Variants in TMCC1 observed in about 807,000 individuals in gnomAD.
TMCC1 encodes the protein transmembrane and coiled-coil domains protein 1.
In TMCC1, 15 loss-of-function variants were observed where a neutral mutation model predicts 52.4. The observed-to-expected ratio is 0.29, with a 90% confidence interval of 0.19 to 0.44. TMCC1 has a LOEUF of 0.44. Ranked by LOEUF, TMCC1 falls within the 20% of genes least tolerant of loss-of-function variation. The probability of loss-of-function intolerance (pLI) is 1.00; values close to 1 mark genes in which losing one functional copy is unlikely to be tolerated. For synonymous variants in TMCC1, 279 were observed against 301.9 expected (o/e 0.92, Z 0.79); for missense variants, 503 against 806.0 (o/e 0.62, Z 4.55).
intron 4 of TMCC1, among the ~76,000 whole-genome samples, chr3:129,810,408 C>G (rs2057742169): frequency 6.6e-6 from 1 of 152,082 alleles, no homozygotes; most frequent in Non-Finnish European, 1.5e-5. Context: ...TACTAGTACG[C>G]AGAACCAAAA....
At chr3:129,672,431 C>G (rs1041200656) in intron 4 of TMCC1, among the ~76,000 whole-genome samples, 5 of 152,062 alleles carry the variant, frequency 3.3e-5, no homozygotes, top group Non-Finnish European at 1.5e-5. Flanking sequence ...GACCCCCTCT[C>G]TACACATTTT....
At chr3:129,813,932 A>G (rs1246198545) in intron 4 of TMCC1, among the ~76,000 whole-genome samples, 1 of 152,120 alleles carries the variant, frequency 6.6e-6, no homozygotes, top group Non-Finnish European at 1.5e-5. Context: ...CTGTGATAAT[A>G]AACACTTTAA....
At chr3:129,848,165 A>G (rs1261392759) in intron 2 of TMCC1, among the ~76,000 whole-genome samples, 1 of 152,196 alleles carries the variant, frequency 6.6e-6, no homozygotes. Flanking sequence ...AACTTGGATG[A>G]AATCCAATTT....
chr3:129,785,792 T>A (rs2055973108), intron 4 of TMCC1, among the ~76,000 whole-genome samples: 1 of 152,136 alleles, frequency 6.6e-6, no homozygotes, highest in East Asian at 1.9e-4. Context: ...TTTCCTAGAT[T>A]TACCCCTCTA....
At chr3:129,771,797 A>AAAAAG (rs60824072) in intron 4 of TMCC1, among the ~76,000 whole-genome samples, 2,048 of 86,196 alleles carry the variant, frequency 0.024, 148 homozygotes, top group Non-Finnish European at 0.037. Context: ...AAAAAAAAAA[A>AAAAAG]AAGAAGAAGA....
intron 4 of TMCC1, among the ~76,000 whole-genome samples, chr3:129,794,833 G>A (rs956948330): frequency 1.3e-5 from 2 of 152,074 alleles, no homozygotes; most frequent in Admixed American, 6.5e-5. Flanking sequence ...CTCTTCAGCC[G>A]TCCCAGCAGC....
chr3:129,855,761 G>A (rs967287954), intron 2 of TMCC1, among the ~76,000 whole-genome samples: 4 of 152,160 alleles, frequency 2.6e-5, no homozygotes, highest in Non-Finnish European at 5.9e-5. Flanking sequence ...TCGATGGTAA[G>A]CAAACAGTTC....
chr3:129,776,806 A>G (rs1238328093), intron 4 of TMCC1, among the ~76,000 whole-genome samples: 1 of 151,916 alleles, frequency 6.6e-6, no homozygotes, highest in Admixed American at 6.6e-5. Flanking sequence ...ATTTTTATTT[A>G]TATTTTTTTG....
At chr3:129,790,936 C>G (rs1340977435) in intron 4 of TMCC1, among the ~76,000 whole-genome samples, 1 of 152,080 alleles carries the variant, frequency 6.6e-6, no homozygotes, top group Non-Finnish European at 1.5e-5. Flanking sequence ...CTGCTAAGTT[C>G]AAACTCTATT....
At chr3:129,674,986 C>A (rs923191564) in intron 4 of TMCC1, among the ~76,000 whole-genome samples, 2 of 152,116 alleles carry the variant, frequency 1.3e-5, no homozygotes, top group Non-Finnish European at 2.9e-5. Context: ...TACAGGCGCA[C>A]GCCACCACAC....
chr3:129,655,996 T>C (rs973706345), intron 5 of TMCC1, among the ~76,000 whole-genome samples: 9 of 152,152 alleles, frequency 5.9e-5, no homozygotes, highest in Non-Finnish European at 1.2e-4. Context: ...AGTGCATCTA[T>C]GTTGGAGGAA....
At chr3:129,846,509 T>C (rs2059671452) in intron 2 of TMCC1, among the ~76,000 whole-genome samples, 1 of 152,184 alleles carries the variant, frequency 6.6e-6, no homozygotes, top group Non-Finnish European at 1.5e-5. Context: ...CTTAAAGTTA[T>C]TTCTTTCTTG....
intron 2 of TMCC1, among the ~76,000 whole-genome samples, chr3:129,850,657 G>GACAC (rs912422987): frequency 2.0e-5 from 3 of 152,032 alleles, no homozygotes; most frequent in African/African-American, 7.2e-5. Flanking sequence ...AGGAATTAAA[G>GACAC]ACACACACAC....
intron 4 of TMCC1, among the ~76,000 whole-genome samples, chr3:129,744,048 A>C (rs2051700862): frequency 6.6e-6 from 1 of 152,104 alleles, no homozygotes; most frequent in African/African-American, 2.4e-5. Context: ...ACTTTCTTTG[A>C]AATTATGTAA....
At chr3:129,661,827 T>G (rs1323299487) in intron 5 of TMCC1, among the ~76,000 whole-genome samples, 1 of 152,118 alleles carries the variant, frequency 6.6e-6, no homozygotes, top group African/African-American at 2.4e-5. Context: ...AAATTCTGTA[T>G]TGTTAATGAA....
chr3:129,813,980 TCC>T (rs1232899180), intron 4 of TMCC1, among the ~76,000 whole-genome samples: 1 of 130,048 alleles, frequency 7.7e-6, no homozygotes, highest in Non-Finnish European at 1.5e-5. Context: ...AAGTTCTTTT[TCC>T]TTATTTTTTT....
chr3:129,860,607 T>A (rs187252605), intron 2 of TMCC1, among the ~76,000 whole-genome samples: 110 of 151,896 alleles, frequency 7.2e-4, no homozygotes, highest in African/African-American at 1.7e-3. Flanking sequence ...CATTATTATT[T>A]TTTTTTTTTT....
intron 2 of TMCC1, among the ~76,000 whole-genome samples, chr3:129,861,211 C>T (rs564156680): frequency 3.9e-5 from 6 of 152,012 alleles, no homozygotes; most frequent in Non-Finnish European, 8.8e-5. Flanking sequence ...GAGGCCGAGG[C>T]GGGCGGATCA....
At chr3:129,723,882 G>A (rs1489207140) in intron 4 of TMCC1, among the ~76,000 whole-genome samples, 1 of 151,064 alleles carries the variant, frequency 6.6e-6, no homozygotes, top group African/African-American at 2.4e-5. Flanking sequence ...TAAAGCTGCA[G>A]GACTAACTAA....
Sources: allele counts gnomAD v4.1 joint callset (sites outside exome capture counted in the v4.1 genomes callset), GRCh38; gene constraint gnomAD v4.1.1; transcripts MANE v1.5; gene names NCBI Gene and HGNC (gene_info 2026-07-23, HGNC 2026-07-21).